CYP7B1: variants seen among roughly 807,000 people sequenced by gnomAD.
The protein encoded by CYP7B1 is cytochrome P450 family 7 subfamily B member 1.
CYP7B1 carries 29 observed loss-of-function variants against 42.7 expected under a neutral mutation model. That is an observed-to-expected ratio of 0.68 (90% CI 0.51 to 0.93). The LOEUF is 0.93. CYP7B1 is among the 40% of genes least tolerant of loss of function. The pLI is 0.00. For missense variants in CYP7B1, 655 were observed against 600.5 expected (o/e 1.09, Z -0.95); for synonymous variants, 235 against 218.2 (o/e 1.08, Z -0.68).
At chr8:64,698,974 T>C (rs1234475650) in intron 1 of CYP7B1, among the ~76,000 whole-genome samples, 1 of 152,160 alleles carries the variant, frequency 6.6e-6, no homozygotes, top group Non-Finnish European at 1.5e-5. Context: ...CCTCTAATCA[T>C]AGGTTCTGAC....
intron 2 of CYP7B1, 29 bp downstream of exon 2, chr8:64,624,374 T>C (rs1177456879): frequency 6.9e-6 from 11 of 1,604,332 alleles, no homozygotes; most frequent in Non-Finnish European, 9.4e-6. Flanking sequence ...TGATGACATA[T>C]ATAAGGTATT....
rs191075257 is a variant in CYP7B1 at position 64,798,731 on chromosome 8, G to C, written c.-144C>G. On this transcript the variant is annotated 5_prime_UTR_variant, in exon 1 of 6. Transcript: ENST00000310193. ...GCTGGCCTGCCCGCAGCGCAGACAG[G>C]AATGTCACCGTGGTCTCCCAGGCTG... is the stretch of plus-strand genomic sequence containing the variant. The C allele has an allele frequency of 3.4e-3, 2,980 of 887,790 alleles. 13 individuals carry two copies. The highest frequency in any genetic ancestry group is 3.3e-3 in the Non-Finnish European group (2,090 of 635,938). The allele number at this position is 887,790 out of a possible 1,614,324, so 55.0% of individuals were successfully genotyped here. A position where few individuals can be genotyped will look rare whatever the true frequency, so the allele number is the denominator to read the frequency against.
chr8:64,626,274 C>A (rs1052444967), intron 1 of CYP7B1, among the ~76,000 whole-genome samples: 1 of 152,092 alleles, frequency 6.6e-6, no homozygotes, highest in African/African-American at 2.4e-5. Context: ...AAAAAACCAC[C>A]AAAGCAGCTC....
At chr8:64,796,778 T>C (rs376673680) in intron 1 of CYP7B1, among the ~76,000 whole-genome samples, 11 of 152,190 alleles carry the variant, frequency 7.2e-5, no homozygotes, top group African/African-American at 2.4e-4. Flanking sequence ...CAACACAGGG[T>C]ATATTTCCCC....
chr8:64,780,269 T>C (rs942819564), intron 1 of CYP7B1, among the ~76,000 whole-genome samples: 1 of 152,142 alleles, frequency 6.6e-6, no homozygotes, highest in South Asian at 2.1e-4. Flanking sequence ...AACTATTTAT[T>C]CATTCATTCA....
intron 1 of CYP7B1, among the ~76,000 whole-genome samples, chr8:64,791,026 A>G (rs1161807422): frequency 6.6e-6 from 1 of 152,200 alleles, no homozygotes; most frequent in East Asian, 1.9e-4. Flanking sequence ...TCCACAAGCC[A>G]TGATATAACA....
At chr8:64,731,652 T>C (rs1357908185) in intron 1 of CYP7B1, among the ~76,000 whole-genome samples, 1 of 152,124 alleles carries the variant, frequency 6.6e-6, no homozygotes, top group Non-Finnish European at 1.5e-5. Context: ...ACAAAGACAG[T>C]GGGGAAAATG....
At chr8:64,604,178 C>A (rs1225818981) in intron 5 of CYP7B1, among the ~76,000 whole-genome samples, 2 of 152,094 alleles carry the variant, frequency 1.3e-5, no homozygotes. Flanking sequence ...GTTCATAATG[C>A]CATACTAATT....
intron 1 of CYP7B1, among the ~76,000 whole-genome samples, chr8:64,666,275 T>C (rs1806278607): frequency 6.6e-6 from 1 of 152,312 alleles, no homozygotes; most frequent in East Asian, 1.9e-4. Flanking sequence ...ATTTAACAAA[T>C]AGTTAAGTCC....
chr8:64,624,552 A>C lies in CYP7B1; in HGVS notation c.123-13T>G. 6.2e-7 allele frequency: 1 copy of C among 1,611,344 alleles called. No individual in the cohort carries two copies. Among genetic ancestry groups the C allele is most frequent in the Non-Finnish European group, 8.5e-7 (1 of 1,179,414 alleles). ...CTCACCGGGTCTCCTACAAGGAAAAAAAAAAAGATAAAAGAACAAAAGAAA... is the reference window on the plus strand; with the variant it reads ...CTCACCGGGTCTCCTACAAGGAAAACAAAAAAGATAAAAGAACAAAAGAAA... On this transcript the variant is annotated splice_polypyrimidine_tract_variant and intron_variant, in intron 1 of 5. Coordinates refer to ENST00000310193, the MANE Select transcript of CYP7B1 (RefSeq NM_004820.5).
chr8:64,684,114 C>G (rs569802561), intron 1 of CYP7B1, among the ~76,000 whole-genome samples: 1 of 152,324 alleles, frequency 6.6e-6, no homozygotes, highest in South Asian at 2.1e-4. Flanking sequence ...CCCATGAGGG[C>G]ACAGGCTCTG....
At chr8:64,784,344 C>T (rs2129694001) in intron 1 of CYP7B1, among the ~76,000 whole-genome samples, 1 of 152,254 alleles carries the variant, frequency 6.6e-6, no homozygotes, top group East Asian at 1.9e-4. Context: ...AATAGTCTGC[C>T]ACTATATTCC....
intron 2 of CYP7B1, among the ~76,000 whole-genome samples, chr8:64,619,022 G>T (rs1454810297): frequency 6.6e-6 from 1 of 152,102 alleles, no homozygotes; most frequent in Non-Finnish European, 1.5e-5. Flanking sequence ...TTTCATGTGG[G>T]TTTGGAAGTA....
downstream of CYP7B1, among the ~76,000 whole-genome samples, chr8:64,590,019 C>A (rs914520196): frequency 7.9e-5 from 12 of 152,158 alleles, no homozygotes; most frequent in African/African-American, 2.9e-4. Flanking sequence ...AGCCATTGGG[C>A]ATTTTTTTAT....
chr8:64,730,771 A>ACACG (rs1290603818), intron 1 of CYP7B1, among the ~76,000 whole-genome samples: 2 of 151,730 alleles, frequency 1.3e-5, no homozygotes, highest in Non-Finnish European at 2.9e-5. Flanking sequence ...ACACACACAC[A>ACACG]CACACACACA....
intron 1 of CYP7B1, among the ~76,000 whole-genome samples, chr8:64,650,963 T>C (rs1260380524): frequency 3.9e-5 from 6 of 152,156 alleles, no homozygotes; most frequent in Admixed American, 6.5e-5. Context: ...ACAGTTTTCA[T>C]TGGGTGTATA....
intron 1 of CYP7B1, among the ~76,000 whole-genome samples, chr8:64,638,035 C>G (rs1226739753): frequency 6.6e-6 from 1 of 152,146 alleles, no homozygotes; most frequent in South Asian, 2.1e-4. Flanking sequence ...TTATACTCTC[C>G]GATTATACCT....
chr8:64,729,277 C>T (rs1807373201), intron 1 of CYP7B1, among the ~76,000 whole-genome samples: 1 of 152,190 alleles, frequency 6.6e-6, no homozygotes, highest in Non-Finnish European at 1.5e-5. Flanking sequence ...TAATCTAGGA[C>T]TTTCTATCCT....
chr8:64,753,779 CCTCT>C (rs1330552323), intron 1 of CYP7B1, among the ~76,000 whole-genome samples: 2 of 152,208 alleles, frequency 1.3e-5, no homozygotes, highest in African/African-American at 4.8e-5. Flanking sequence ...CGAGGAGAGG[CCTCT>C]CTGAGGAGGT....
Sources: allele counts gnomAD v4.1 joint callset (sites outside exome capture counted in the v4.1 genomes callset), GRCh38; gene constraint gnomAD v4.1.1; transcripts MANE v1.5; gene names NCBI Gene and HGNC (gene_info 2026-07-23, HGNC 2026-07-21).